Variants in KLF17 observed in about 807,000 individuals in gnomAD.
The protein encoded by KLF17 is KLF transcription factor 17, also known as Krueppel-like factor 17.
KLF17 carries 31 observed loss-of-function variants against 34.2 expected under a neutral mutation model. The observed-to-expected ratio is 0.91, with a 90% confidence interval of 0.68 to 1.22. The LOEUF (loss-of-function observed/expected upper bound fraction) is 1.22. Among genes scored for constraint, KLF17 ranks in the 50% most tolerant of loss-of-function variants. The probability of loss-of-function intolerance (pLI) is 0.00; values close to 1 mark genes in which losing one functional copy is unlikely to be tolerated. For missense variants in KLF17, 478 were observed against 505.2 expected (o/e 0.95, Z 0.52); for synonymous variants, 179 against 186.7 (o/e 0.96, Z 0.34).
chr1:44,105,981 T>C, the KLF17 span, among the ~76,000 whole-genome samples: 1 of 151,494 alleles, frequency 6.6e-6, no homozygotes, highest in African/African-American at 2.4e-5. Flanking sequence ...CTGGGCAACA[T>C]AGTGAGATCC....
At chr1:44,122,048 T>G (rs1037217459) in intron 1 of KLF17, 29 of 749,440 alleles carry the variant, frequency 3.9e-5, no homozygotes, top group Middle Eastern at 7.5e-4. Context: ...CCTTTTTTCA[T>G]TTTTTTGTCC....
At chr1:44,059,825 A>G in the KLF17 span, among the ~76,000 whole-genome samples, 2 of 152,010 alleles carry the variant, frequency 1.3e-5, no homozygotes, top group South Asian at 4.2e-4. Context: ...CCAGGCTGCA[A>G]TGAGGTAAAT....
At chr1:44,100,232 T>C in the KLF17 span, among the ~76,000 whole-genome samples, 1 of 140,586 alleles carries the variant, frequency 7.1e-6, no homozygotes, top group African/African-American at 2.7e-5. Flanking sequence ...AACTCTAGCC[T>C]GGGTAACAGA....
At chr1:44,066,336 A>T in the KLF17 span, among the ~76,000 whole-genome samples, 1 of 134,968 alleles carries the variant, frequency 7.4e-6, no homozygotes, top group Non-Finnish European at 1.6e-5. Context: ...ACAAACAAAA[A>T]CCCTCCCCCC....
chr1:44,112,737 T>C, the KLF17 span, among the ~76,000 whole-genome samples: 1 of 152,188 alleles, frequency 6.6e-6, no homozygotes, highest in Non-Finnish European at 1.5e-5. Flanking sequence ...GTCATCTTTC[T>C]TACCCCACTG....
chr1:44,123,361 T>G (rs1046876780), intron 1 of KLF17, among the ~76,000 whole-genome samples: 1 of 152,192 alleles, frequency 6.6e-6, no homozygotes, highest in Non-Finnish European at 1.5e-5. Context: ...GGTTTTGTGT[T>G]TCTAGGAATT....
chr1:44,095,613 T>A, the KLF17 span, among the ~76,000 whole-genome samples: 1 of 152,222 alleles, frequency 6.6e-6, no homozygotes. Context: ...TTGGGTAGTA[T>A]AAACATTTTA....
chr1:44,069,950 C>T, the KLF17 span: 1 of 152,206 alleles, frequency 6.6e-6, no homozygotes, highest in Non-Finnish European at 1.5e-5. This position sits in a 1 kb window ranked among gnomAD's most constrained non-coding sequence, Gnocchi z 4.7. Flanking sequence ...TGTCTTTTGC[C>T]TCCAGTAGCC....
the KLF17 span, among the ~76,000 whole-genome samples, chr1:44,069,444 G>A: frequency 6.6e-5 from 10 of 151,334 alleles, no homozygotes; most frequent in East Asian, 5.9e-4. The surrounding 1 kb of genome is among the most constrained non-coding windows in gnomAD (Gnocchi z 4.7). Flanking sequence ...CATGGAAGGC[G>A]GAGGGGAGCC....
At chr1:44,076,318 A>G in the KLF17 span, 2 of 152,256 alleles carry the variant, frequency 1.3e-5, no homozygotes, top group Admixed American at 1.3e-4. Flanking sequence ...GACCACATTT[A>G]ATGAACAACC....
the KLF17 span, among the ~76,000 whole-genome samples, chr1:44,070,493 A>C: frequency 2.0e-5 from 3 of 151,494 alleles, no homozygotes. Context: ...AATGGCCTCC[A>C]GTTCCTCCCA....
rs112691710 is a variant in KLF17, at chr1:44,130,440, C to T, written c.926-72C>T. The T allele has an allele frequency of 4.0e-5, 64 of 1,583,652 alleles. 2 individuals are homozygous for T. In the African/African-American group the frequency reaches 5.0e-4, roughly 12 times the overall value. ...CCTTTTGAATCCTCAACCTGGACTG[C>T]TCTGCCTCACAGAGTTAGACCCCTT... On this transcript the variant is annotated intron_variant, in intron 2 of 3. Coordinates refer to ENST00000372299, the MANE Select transcript of KLF17 (RefSeq NM_173484.4).
chr1:44,063,262 A>G, the KLF17 span, among the ~76,000 whole-genome samples: 4 of 152,226 alleles, frequency 2.6e-5, no homozygotes, highest in African/African-American at 9.6e-5. Context: ...GGGACAGGAA[A>G]GAGTCCTCTG....
the KLF17 span, chr1:44,106,771 G>A: frequency 6.6e-6 from 1 of 152,148 alleles, no homozygotes; most frequent in African/African-American, 2.4e-5. Context: ...GTCACAGACT[G>A]GGAGACAGAG....
the KLF17 span, among the ~76,000 whole-genome samples, chr1:44,102,001 C>T: frequency 6.6e-6 from 1 of 151,990 alleles, no homozygotes; most frequent in African/African-American, 2.4e-5. Flanking sequence ...CTGCAGTGAG[C>T]AGCCTCTATT....
chr1:44,109,515 C>T, the KLF17 span, among the ~76,000 whole-genome samples: 1 of 152,146 alleles, frequency 6.6e-6, no homozygotes, highest in African/African-American at 2.4e-5. Flanking sequence ...CATCTTTTTA[C>T]TGATTTTACC....
chr1:44,087,763 TATATATACAC>T, the KLF17 span, among the ~76,000 whole-genome samples: 163 of 56,018 alleles, frequency 2.9e-3, no homozygotes, highest in Non-Finnish European at 4.4e-3. Flanking sequence ...TATATATATA[TATATATACAC>T]ACACACACAC....
At chr1:44,100,771 T>C in the KLF17 span, among the ~76,000 whole-genome samples, 1 of 152,070 alleles carries the variant, frequency 6.6e-6, no homozygotes, top group South Asian at 2.1e-4. Context: ...TTCTTGTGTC[T>C]CAGCCTCCAA....
At chr1:44,098,896 A>ATTTT in the KLF17 span, among the ~76,000 whole-genome samples, 314 of 136,212 alleles carry the variant, frequency 2.3e-3, 1 homozygote, top group African/African-American at 8.0e-3. Context: ...ACTCACTTTA[A>ATTTT]TTTTTTTTTT....
Sources: allele counts gnomAD v4.1 joint callset (sites outside exome capture counted in the v4.1 genomes callset), GRCh38; gene constraint gnomAD v4.1.1; non-coding constraint Gnocchi (gnomAD v3.1); transcripts MANE v1.5; gene names NCBI Gene and HGNC (gene_info 2026-07-23, HGNC 2026-07-21).